Variants in RIDA observed in about 807,000 individuals in gnomAD.
The protein encoded by RIDA is 2-iminobutanoate/2-iminopropanoate deaminase.
Under a neutral mutation model 17.8 loss-of-function variants are expected in RIDA, and 17 were observed. That is an observed-to-expected ratio of 0.96 (90% CI 0.65 to 1.43). RIDA has a LOEUF of 1.43. Ranked by LOEUF, RIDA falls within the 40% of genes most tolerant of loss-of-function variation. The probability of loss-of-function intolerance (pLI) is 0.00; values close to 1 mark genes in which losing one functional copy is unlikely to be tolerated. For missense variants in RIDA, 158 were observed against 161.7 expected (o/e 0.98, Z 0.12); for synonymous variants, 48 against 55.7 (o/e 0.86, Z 0.62).
chr8:98,114,173 C>T (rs1055792518), intron 1 of RIDA, among the ~76,000 whole-genome samples: 4 of 118,386 alleles, frequency 3.4e-5, no homozygotes, highest in Middle Eastern at 3.6e-3. Context: ...GGTGACACAG[C>T]GAAACACTGT....
chr8:98,111,605 CAA>C (rs374861980), intron 1 of RIDA, among the ~76,000 whole-genome samples: 57 of 100,466 alleles, frequency 5.7e-4, no homozygotes, highest in Non-Finnish European at 4.9e-4. Context: ...GACTCTGTGT[CAA>C]AAAAAAAAAA....
intron 1 of RIDA, among the ~76,000 whole-genome samples, chr8:98,109,555 C>T (rs998902834): frequency 5.3e-5 from 8 of 152,088 alleles, no homozygotes; most frequent in Non-Finnish European, 1.0e-4. Context: ...AATAGTTTGG[C>T]AGTTTCTTTA....
In RIDA at chr8:98,113,287, C is replaced by G. The variant is rs528610756; in HGVS notation, c.65+3745G>C. 3.3e-5 allele frequency among the ~76,000 whole-genome samples: 5 copies of G among 152,300 alleles called. No individual in the cohort carries two copies. In the South Asian group the frequency reaches 1.0e-3, roughly 32 times the overall value. On this transcript the variant is annotated intron_variant, in intron 1 of 5. Transcript: ENST00000254878. ...TGACAACACCCCATCCATCCCAATG[C>G]CAGGGACTGAAAGTTCAACACATTT...
chr8:98,108,379 G>A (rs1455295129), intron 2 of RIDA, among the ~76,000 whole-genome samples: 1 of 151,676 alleles, frequency 6.6e-6, no homozygotes, highest in Non-Finnish European at 1.5e-5. Context: ...TGTGGAAGTG[G>A]CAACATGTCA....
At position 98,104,367 on chromosome 8, in the gene RIDA, G is replaced by A. The variant is rs539601984; in HGVS notation, c.351+122C>T. 4 of 754,228 alleles carry A rather than the reference G, an allele frequency of 5.3e-6. No individual in the cohort carries two copies. The East Asian group carries it at 9.9e-5, about 19-fold the overall frequency. The allele number at this position is 754,228 out of a possible 1,614,324, so 46.7% of individuals were successfully genotyped here. On this transcript the variant is annotated intron_variant, in intron 5 of 5. Coordinates refer to ENST00000254878, the MANE Select transcript of RIDA (RefSeq NM_005836.3). ...CTCTCAAAGCACTGGGATTACAGGGGTAAGCCACCCTGCCCAGGCTACTTC... is the reference window on the plus strand; with the variant it reads ...CTCTCAAAGCACTGGGATTACAGGGATAAGCCACCCTGCCCAGGCTACTTC...
intron 1 of RIDA, among the ~76,000 whole-genome samples, chr8:98,114,749 T>C (rs1250838789): frequency 1.3e-5 from 2 of 152,186 alleles, no homozygotes; most frequent in Non-Finnish European, 2.9e-5. Flanking sequence ...TAAGTCACTC[T>C]GCAAGATCAT....
At chr8:98,106,357 A>AC (rs1377743731) in intron 2 of RIDA, 31 bp from the exon 3 acceptor site, 1 of 1,574,080 alleles carries the variant, frequency 6.4e-7, no homozygotes, top group South Asian at 1.1e-5. Context: ...GGCCTAAGTC[A>AC]CTGATGTTAG....
At chr8:98,106,943 G>A (rs990920572) in intron 2 of RIDA, among the ~76,000 whole-genome samples, 3 of 152,108 alleles carry the variant, frequency 2.0e-5, no homozygotes, top group Non-Finnish European at 4.4e-5. Context: ...AGCATATACC[G>A]TGTAAAGATA....
At chr8:98,106,518 G>A in intron 2 of RIDA, 192 bp from the exon 3 acceptor site, 1 of 543,882 alleles carries the variant, frequency 1.8e-6, no homozygotes, top group South Asian at 2.5e-5. Flanking sequence ...TGGTGAAAAT[G>A]TTGTCTCCTT....
intron 1 of RIDA, among the ~76,000 whole-genome samples, chr8:98,112,064 T>C (rs1027002384): frequency 1.3e-5 from 2 of 152,174 alleles, no homozygotes; most frequent in Non-Finnish European, 2.9e-5. Context: ...CATGAAGATC[T>C]TTCCATAAGT....
At chr8:98,110,411 C>T (rs536757150) in intron 1 of RIDA, among the ~76,000 whole-genome samples, 1 of 152,226 alleles carries the variant, frequency 6.6e-6, no homozygotes, top group South Asian at 2.1e-4. Context: ...AGGTGTGAGC[C>T]ACCACGCCCA....
chr8:98,107,591 A>ATTGTT (rs1554622570), intron 2 of RIDA, among the ~76,000 whole-genome samples: 1 of 152,102 alleles, frequency 6.6e-6, no homozygotes, highest in Non-Finnish European at 1.5e-5. Flanking sequence ...ATTATAGTTT[A>ATTGTT]TTGTTTTATT....
chr8:98,106,770 C>T (rs115219974), intron 2 of RIDA: 2,217 of 153,136 alleles, frequency 0.014, 64 homozygotes, highest in African/African-American at 0.051. Context: ...GAGACACTGG[C>T]TTCTGGAAAA....
intron 5 of RIDA, among the ~76,000 whole-genome samples, chr8:98,103,607 C>T (rs1034148088): frequency 6.6e-6 from 1 of 151,946 alleles, no homozygotes; most frequent in East Asian, 1.9e-4. Flanking sequence ...AGTAACACTA[C>T]AACAGTACAG....
At position 98,106,334 on chromosome 8, in the gene RIDA, C is replaced by A. The variant is rs1462897003; in HGVS notation, c.172-8G>T. On this transcript the variant is annotated splice_region_variant and splice_polypyrimidine_tract_variant and intron_variant, in intron 2 of 5. Coordinates refer to ENST00000254878, the MANE Select transcript of RIDA (RefSeq NM_005836.3). ...ACCCATGTTTTTAAGAGCCTGTGAA[C>A]CAAGCCAAGAAAGGCCTAAGTCACT... 6.2e-7 allele frequency: 1 copy of A among 1,613,166 alleles called. No individual in the cohort carries two copies. Among genetic ancestry groups the A allele is most frequent in the Non-Finnish European group, 8.5e-7 (1 of 1,179,298 alleles).
intron 1 of RIDA, among the ~76,000 whole-genome samples, chr8:98,112,912 C>G (rs1815747745): frequency 6.6e-6 from 1 of 152,188 alleles, no homozygotes; most frequent in Non-Finnish European, 1.5e-5. Flanking sequence ...CTGAGACCAT[C>G]TGAGCTATGT....
At chr8:98,104,082 C>CTTTTTTTTTTT (rs539041035) in intron 5 of RIDA, among the ~76,000 whole-genome samples, 2 of 127,980 alleles carry the variant, frequency 1.6e-5, no homozygotes, top group Non-Finnish European at 3.3e-5. Context: ...TATTTCTTTT[C>CTTTTTTTTTTT]TTTTTTTTTT....
At chr8:98,107,644 C>A (rs1266300192) in intron 2 of RIDA, among the ~76,000 whole-genome samples, 1 of 152,166 alleles carries the variant, frequency 6.6e-6, no homozygotes, top group Admixed American at 6.5e-5. Context: ...GTGTCCCAGG[C>A]AGGAGTGCAG....
chr8:98,112,692 C>T (rs78807467), intron 1 of RIDA, among the ~76,000 whole-genome samples: 499 of 152,270 alleles, frequency 3.3e-3, no homozygotes, highest in African/African-American at 9.5e-3. Flanking sequence ...AATCTTTTCT[C>T]GGGTTAAATA....
Sources: allele counts gnomAD v4.1 joint callset (sites outside exome capture counted in the v4.1 genomes callset), GRCh38; gene constraint gnomAD v4.1.1; transcripts MANE v1.5; gene names NCBI Gene and HGNC (gene_info 2026-07-23, HGNC 2026-07-21).